FAM53B: variants seen among roughly 807,000 people sequenced by gnomAD.
FAM53B encodes family with sequence similarity 53 member B.
In FAM53B, 12 loss-of-function variants were observed where a neutral mutation model predicts 32.7. That is an observed-to-expected ratio of 0.37 (90% CI 0.24 to 0.59). The LOEUF (loss-of-function observed/expected upper bound fraction) is 0.59, where lower values mean the gene tolerates loss of function less well. Ranked by LOEUF, FAM53B falls within the 20% of genes least tolerant of loss-of-function variation. The pLI is 0.72. For missense variants in FAM53B, 477 were observed against 577.7 expected, an observed-to-expected ratio of 0.83 and a Z score of 1.79; for synonymous variants, 234 against 228.7, an observed-to-expected ratio of 1.02 and a Z score of -0.21.
chr10:124,727,315 G>A (rs753004920), intron 1 of FAM53B, among the ~76,000 whole-genome samples: 3 of 99,794 alleles, frequency 3.0e-5, no homozygotes, highest in Non-Finnish European at 5.7e-5. Flanking sequence ...ACTAGGTGAA[G>A]CACCTGAGTG....
chr10:124,682,290 C>T lies in FAM53B; in HGVS notation c.223G>A (p.Asp75Asn), dbSNP rs1949778592. 6.2e-7 allele frequency: 1 copy of T among 1,613,978 alleles called. No individual in the cohort carries two copies. The highest frequency in any genetic ancestry group is 8.5e-7 in the Non-Finnish European group (1 of 1,180,010). The change falls in exon 4 of 5, where the codon GAC becomes AAC. Residue 75 changes from aspartate to asparagine, a missense_variant. Asp to Asn is a conservative substitution (Grantham distance 23, BLOSUM62 1). Coordinates refer to ENST00000337318, the MANE Select transcript of FAM53B (RefSeq NM_014661.4). This position sits in a 1 kb window ranked among gnomAD's most constrained non-coding sequence, Gnocchi z 5.2. ...GCCTCCCGGTGCCATAGTGAGCTGT[C>T]CTTTTCAGGCAGGCATTCCCAGATG... ...TSIWECLPEK[D>N]SSLWHREAVT...
chr10:124,643,176 G>C (rs1455273314), intron 4 of FAM53B, among the ~76,000 whole-genome samples: 1 of 152,192 alleles, frequency 6.6e-6, no homozygotes, highest in Non-Finnish European at 1.5e-5. Flanking sequence ...GTCAATTGTT[G>C]GAACGCTCAG....
chr10:124,668,333 A>G (rs1949686707), intron 4 of FAM53B, among the ~76,000 whole-genome samples: 1 of 152,234 alleles, frequency 6.6e-6, no homozygotes, highest in Non-Finnish European at 1.5e-5. Flanking sequence ...GGGTGTTTCT[A>G]GCCACCGGCT....
At chr10:124,657,090 A>C (rs938185522) in intron 4 of FAM53B, among the ~76,000 whole-genome samples, 1 of 82,666 alleles carries the variant, frequency 1.2e-5, no homozygotes, top group East Asian at 3.6e-4. Flanking sequence ...ATGTGTGTGT[A>C]TATATATGTG....
intron 4 of FAM53B, among the ~76,000 whole-genome samples, chr10:124,674,495 A>G (rs1949725605): frequency 6.6e-6 from 1 of 152,250 alleles, no homozygotes; most frequent in East Asian, 1.9e-4. Flanking sequence ...TCAGTTGTCC[A>G]GGATGAGGAT....
chr10:124,627,536 C>G (rs896585222), intron 4 of FAM53B, among the ~76,000 whole-genome samples: 5 of 151,400 alleles, frequency 3.3e-5, no homozygotes, highest in Admixed American at 3.3e-4. Flanking sequence ...AGCCCCAGCC[C>G]TGGGCTGGGC....
chr10:124,704,706 T>C (rs769584393), intron 2 of FAM53B, among the ~76,000 whole-genome samples: 29 of 152,160 alleles, frequency 1.9e-4, no homozygotes, highest in Non-Finnish European at 3.5e-4. Flanking sequence ...TATGGGGCCA[T>C]GTACATCCTA....
chr10:124,642,367 G>C (rs544934542), intron 4 of FAM53B, among the ~76,000 whole-genome samples: 1 of 152,356 alleles, frequency 6.6e-6, no homozygotes, highest in East Asian at 1.9e-4. Flanking sequence ...CGCCTCTCCG[G>C]TGGTTGTGAC....
At chr10:124,643,811 C>T (rs568715717) in intron 4 of FAM53B, among the ~76,000 whole-genome samples, 1 of 152,336 alleles carries the variant, frequency 6.6e-6, no homozygotes, top group African/African-American at 2.4e-5. Flanking sequence ...GCACGCTGGG[C>T]GGCTCCTGGA....
At chr10:124,630,355 A>G (rs553860585) in intron 4 of FAM53B, among the ~76,000 whole-genome samples, 10 of 152,210 alleles carry the variant, frequency 6.6e-5, no homozygotes, top group Non-Finnish European at 1.3e-4. Flanking sequence ...CAGAGGTCGC[A>G]GTGAGCCGAG....
chr10:124,727,003 A>G (rs746461103), intron 1 of FAM53B, among the ~76,000 whole-genome samples: 2 of 152,042 alleles, frequency 1.3e-5, no homozygotes, highest in Non-Finnish European at 2.9e-5. Flanking sequence ...TCCAGAAGGC[A>G]CTTTTTATTT....
chr10:124,741,435 A>G (rs1347460651), intron 1 of FAM53B, among the ~76,000 whole-genome samples: 2 of 152,200 alleles, frequency 1.3e-5, no homozygotes, highest in African/African-American at 2.4e-5. Flanking sequence ...GTGGGTGAGA[A>G]GAGTGTGCTT....
rs148779480 is a variant in FAM53B, at chr10:124,696,534, A to C, written c.79-322T>G. Among the ~76,000 whole-genome samples the C allele has an allele frequency of 1.9e-3, 289 of 152,260 alleles. 1 individual carries two copies. Among genetic ancestry groups the C allele is most frequent in the African/African-American group, 6.7e-3 (278 of 41,560 alleles). ...GCGGCCCGGGGGCAGGATGGATGGT[A>C]AACAGTGGAACAAGCTTCCCTGAGC... On this transcript the variant is annotated intron_variant, in intron 2 of 4. Transcript: ENST00000337318.
At chr10:124,665,747 G>A (rs1393912504) in intron 4 of FAM53B, among the ~76,000 whole-genome samples, 1 of 152,202 alleles carries the variant, frequency 6.6e-6, no homozygotes, top group Non-Finnish European at 1.5e-5. Context: ...CCTCCAGGAG[G>A]CCAGGGCTAA....
In FAM53B at chr10:124,744,042, C is replaced by T. The variant is rs1474998545; in HGVS notation, c.-204G>A. On this transcript the variant is annotated 5_prime_UTR_variant, in exon 1 of 5. Transcript: ENST00000337318. The stretch of plus-strand genomic sequence containing the variant: ...CGCGGCGGGGCGCTCCGGGCGCGGA[C>T]CCCGCGCCGTCACCGCCAGCGCTCG... 4 of 147,584 alleles carry T rather than the reference C, an allele frequency of 2.7e-5. No homozygotes were observed. The East Asian group carries it at 7.9e-4, about 29-fold the overall frequency. 9.1% of individuals were successfully genotyped at this position (147,584 alleles called of 1,614,324 possible).
chr10:124,635,085 A>AT lies in FAM53B; in HGVS notation c.907-11482dup, dbSNP rs1275895205. On this transcript the variant is annotated intron_variant, in intron 4 of 4. Transcript: ENST00000337318. ...AAACGACCAATGACACAATTATTTT[A>AT]TTTTTTATTTTTATTTTTGTTTTTG... 2.4e-5 allele frequency among the ~76,000 whole-genome samples: 3 copies of AT among 123,294 alleles called. No individual in the cohort carries two copies. The East Asian group carries it at 6.9e-4, about 28-fold the overall frequency. The allele number at this position is 123,294 out of a possible 152,430, so 80.9% of individuals were successfully genotyped here.
intron 4 of FAM53B, among the ~76,000 whole-genome samples, chr10:124,639,675 T>TC (rs1032723635): frequency 7.9e-5 from 12 of 151,984 alleles, no homozygotes; most frequent in Admixed American, 2.0e-4. Flanking sequence ...GATAGGCTTT[T>TC]CCCCCCCTTT....
chr10:124,638,813 C>T (rs117722992), intron 4 of FAM53B, among the ~76,000 whole-genome samples: 1,725 of 152,328 alleles, frequency 0.011, 11 homozygotes, highest in Non-Finnish European at 0.019. Context: ...GGGCAGCTGG[C>T]CATGGACATG....
intron 4 of FAM53B, among the ~76,000 whole-genome samples, chr10:124,639,200 G>C (rs952721316): frequency 2.6e-5 from 4 of 152,162 alleles, no homozygotes. Flanking sequence ...GTGGGCCATG[G>C]GGGGTTGGGT....
Sources: allele counts gnomAD v4.1 joint callset (sites outside exome capture counted in the v4.1 genomes callset), GRCh38; gene constraint gnomAD v4.1.1; non-coding constraint Gnocchi (gnomAD v3.1); transcripts MANE v1.5; gene names NCBI Gene and HGNC (gene_info 2026-07-23, HGNC 2026-07-21).